FGF1: variants seen among roughly 807,000 people sequenced by gnomAD.
FGF1 encodes beta-endothelial cell growth factor.
Under a neutral mutation model 13.4 loss-of-function variants are expected in FGF1, and 9 were observed. The observed-to-expected ratio is 0.67, with a 90% confidence interval of 0.40 to 1.17. FGF1 has a LOEUF of 1.17. Ranked by LOEUF, FGF1 falls within the 50% of genes most tolerant of loss-of-function variation. FGF1 has a pLI of 0.01. For synonymous variants in FGF1, 93 were observed against 79.0 expected (o/e 1.18, Z -0.94); for missense variants, 156 against 192.7 (o/e 0.81, Z 1.13).
intron 1 of FGF1, among the ~76,000 whole-genome samples, chr5:142,666,001 T>C (rs571704380): frequency 6.6e-6 from 1 of 152,260 alleles, no homozygotes; most frequent in East Asian, 1.9e-4. Flanking sequence ...ACAGCCTGCC[T>C]TTGATAACTG....
At chr5:142,693,042 A>G (rs961947748) in intron 2 of FGF1, among the ~76,000 whole-genome samples, 4 of 152,092 alleles carry the variant, frequency 2.6e-5, no homozygotes, top group African/African-American at 4.8e-5. Flanking sequence ...ATTCTAAAAA[A>G]TCTAAAATGT....
In FGF1 at chr5:142,599,798, G is replaced by A. The variant is rs1176653127; in HGVS notation, c.273+904C>T. ...ATAGGGAAAGGGCAGGGAACATGGA[G>A]GATTTTAGCTACTGAAGAAACAATT... On this transcript the variant is annotated intron_variant, in intron 3 of 3. Coordinates refer to ENST00000337706, the MANE Select transcript of FGF1 (RefSeq NM_000800.5). 3.3e-5 allele frequency among the ~76,000 whole-genome samples: 5 copies of A among 152,120 alleles called. No homozygotes were observed. In the East Asian group the frequency reaches 7.7e-4, roughly 23 times the overall value.
intron 1 of FGF1, among the ~76,000 whole-genome samples, chr5:142,618,758 A>G (rs1760762028): frequency 6.6e-6 from 1 of 151,982 alleles, no homozygotes; most frequent in South Asian, 2.1e-4. Flanking sequence ...GCTTATCAAC[A>G]GTTAATATAG....
At chr5:142,604,047 A>G (rs1192373245) in intron 2 of FGF1, among the ~76,000 whole-genome samples, 2 of 152,230 alleles carry the variant, frequency 1.3e-5, no homozygotes, top group Non-Finnish European at 2.9e-5. Context: ...TTTAAATGAA[A>G]TGTCCAGAAT....
chr5:142,642,400 C>T (rs1262087245), intron 1 of FGF1, among the ~76,000 whole-genome samples: 1 of 152,206 alleles, frequency 6.6e-6, no homozygotes, highest in Non-Finnish European at 1.5e-5. Context: ...TTCTGTGGGG[C>T]CTTTTCAGGG....
At chr5:142,614,289 G>T in intron 1 of FGF1, 128 bp from the exon 2 acceptor site, 1 of 682,528 alleles carries the variant, frequency 1.5e-6, no homozygotes, top group Non-Finnish European at 2.4e-6. Flanking sequence ...CTGCCCAGGT[G>T]ATGCCCGCAG....
At chr5:142,672,574 G>A (rs553602297) in intron 1 of FGF1, among the ~76,000 whole-genome samples, 12 of 143,392 alleles carry the variant, frequency 8.4e-5, no homozygotes, top group Non-Finnish European at 1.5e-4. Context: ...GTGTGATCTC[G>A]GCTCACTGCA....
At chr5:142,609,725 T>C (rs998367408) in intron 2 of FGF1, among the ~76,000 whole-genome samples, 2 of 152,208 alleles carry the variant, frequency 1.3e-5, no homozygotes, top group South Asian at 2.1e-4. Context: ...AGAATGATGA[T>C]CAATACCATT....
intron 1 of FGF1, among the ~76,000 whole-genome samples, chr5:142,629,446 G>A (rs955795422): frequency 6.6e-6 from 1 of 152,184 alleles, no homozygotes; most frequent in African/African-American, 2.4e-5. Context: ...TTATAGGCAT[G>A]AGCCACTGCG....
At chr5:142,672,500 GTTTTTTT>G (rs34954693) in intron 1 of FGF1, among the ~76,000 whole-genome samples, 2 of 123,364 alleles carry the variant, frequency 1.6e-5, no homozygotes, top group Non-Finnish European at 3.4e-5. Context: ...TTTCTGTACA[GTTTTTTT>G]TTTTTTTTTT....
At position 142,593,019 on chromosome 5, in the gene FGF1, T is replaced by A. The variant is rs1754575124; in HGVS notation, c.*2271A>T. Reference sequence around the variant, plus strand: ...TAGCACACAGTAGGCACCTTAATAGTCATTGAACAGATATATGAATGATAT... The same window carrying A: ...TAGCACACAGTAGGCACCTTAATAGACATTGAACAGATATATGAATGATAT... On this transcript the variant is annotated 3_prime_UTR_variant, in exon 4 of 4. Transcript: ENST00000337706. 1 of 152,212 alleles carries A rather than the reference T, an allele frequency of 6.6e-6. No homozygotes were observed. 9.4% of individuals were successfully genotyped at this position (152,212 alleles called of 1,614,324 possible).
At position 142,597,727 on chromosome 5, in the gene FGF1, T is replaced by C. The variant is rs2299017; in HGVS notation, c.274-2243A>G. Among the ~76,000 whole-genome samples the C allele has an allele frequency of 2.8e-3, 424 of 152,362 alleles. 17 individuals are homozygous for C. In the East Asian group the frequency reaches 0.069, roughly 25 times the overall value. ...TTCCCTGTCTGGCGGTTTCCAATTA[T>C]ATTGTTCATTGTTCTCTATGTGTGA... On this transcript the variant is annotated intron_variant, in intron 3 of 3. Coordinates refer to ENST00000337706, the MANE Select transcript of FGF1 (RefSeq NM_000800.5).
intron 2 of FGF1, among the ~76,000 whole-genome samples, chr5:142,605,515 A>G (rs1238357499): frequency 2.6e-5 from 4 of 152,078 alleles, no homozygotes; most frequent in Non-Finnish European, 5.9e-5. Context: ...GGGGCTGAAT[A>G]GGGTTGGCTT....
intron 1 of FGF1, among the ~76,000 whole-genome samples, chr5:142,617,257 C>T (rs901671132): frequency 1.4e-4 from 22 of 151,978 alleles, no homozygotes; most frequent in African/African-American, 4.6e-4. Context: ...CCCAGCTACT[C>T]GGGAGGCTGA....
intron 2 of FGF1, among the ~76,000 whole-genome samples, chr5:142,602,894 C>G (rs1435823085): frequency 6.6e-6 from 1 of 152,172 alleles, no homozygotes; most frequent in Non-Finnish European, 1.5e-5. Flanking sequence ...TCCTTATCTC[C>G]TGATTCACCC....
At chr5:142,687,774 G>A (rs902462972), upstream of FGF1, among the ~76,000 whole-genome samples, 1 of 152,146 alleles carries the variant, frequency 6.6e-6, no homozygotes, top group Admixed American at 6.5e-5. Flanking sequence ...TCACTCAGGT[G>A]GTACCCTTAG....
At chr5:142,667,144 G>A (rs1055664826) in intron 1 of FGF1, among the ~76,000 whole-genome samples, 19 of 151,780 alleles carry the variant, frequency 1.3e-4, no homozygotes, top group African/African-American at 3.6e-4. Flanking sequence ...GCTGGGCAAC[G>A]GTGGTGACGG....
intron 1 of FGF1, chr5:142,627,016 G>A (rs1185907000): frequency 6.6e-6 from 1 of 152,210 alleles, no homozygotes; most frequent in Non-Finnish European, 1.5e-5. Context: ...ACGTTGCCAT[G>A]AGAAAGGAAT....
chr5:142,687,908 C>CT (rs1751519925), upstream of FGF1, among the ~76,000 whole-genome samples: 1 of 152,230 alleles, frequency 6.6e-6, no homozygotes, highest in African/African-American at 2.4e-5. Context: ...GATTCCCCCC[C>CT]TCCTAGTGGA....
Sources: allele counts gnomAD v4.1 joint callset (sites outside exome capture counted in the v4.1 genomes callset), GRCh38; gene constraint gnomAD v4.1.1; transcripts MANE v1.5; gene names NCBI Gene and HGNC (gene_info 2026-07-23, HGNC 2026-07-21).